Variants in NARF observed in about 807,000 individuals in gnomAD.
NARF encodes nuclear prelamin A recognition factor.
A neutral mutation model predicts 48.0 loss-of-function variants in NARF; 41 were observed. The observed-to-expected ratio is 0.85, with a 90% CI of 0.66 to 1.11. The LOEUF is 1.11. NARF is among the 50% of genes least tolerant of loss of function. NARF has a pLI of 0.00. For missense variants in NARF, 613 were observed against 590.2 expected, an observed-to-expected ratio of 1.04 and a Z score of -0.40; for synonymous variants, 215 against 225.5, an observed-to-expected ratio of 0.95 and a Z score of 0.42.
intron 8 of NARF, 101 bp downstream of exon 8, chr17:82,483,880 C>A: frequency 9.1e-7 from 1 of 1,093,610 alleles, no homozygotes; most frequent in Non-Finnish European, 1.4e-6. Context: ...TATGACGAGG[C>A]CATGTGAAGC....
intron 5 of NARF, 21 bp from the exon 6 acceptor site, chr17:82,478,779 G>T: frequency 6.2e-7 from 1 of 1,605,750 alleles, no homozygotes; most frequent in East Asian, 2.2e-5. Flanking sequence ...GGAGCTGACC[G>T]TGGATCCCTT....
intron 5 of NARF, among the ~76,000 whole-genome samples, chr17:82,475,083 C>T (rs2043803550): frequency 6.6e-6 from 1 of 152,142 alleles, no homozygotes; most frequent in Non-Finnish European, 1.5e-5. Context: ...GCCTGGACTC[C>T]AGCAACCTGG....
In NARF at chr17:82,484,835, A is replaced by G. The variant is rs1384468406; in HGVS notation, c.856A>G (p.Lys286Glu). The G allele has an allele frequency of 1.2e-6, 2 of 1,608,432 alleles. No individual in the cohort carries two copies. Among genetic ancestry groups the G allele is most frequent in the Admixed American group, 1.7e-5 (1 of 58,934 alleles). The change falls in exon 9 of 11, where the codon AAA becomes GAA. Residue 286 changes from lysine to glutamate, a missense_variant. Transcript: ENST00000309794. ...GAGGTTTGGAGACTTGAAGGAGGACAAAGTGACGCGTCATGATGGAGCCAG... is the reference window on the plus strand; with the variant it reads ...GAGGTTTGGAGACTTGAAGGAGGACGAAGTGACGCGTCATGATGGAGCCAG... ...DTLFGDLKED[K>E]VTRHDGASSD...
Position 82,469,750 on chromosome 17 carries a change from T to G in NARF, c.385+854T>G, listed in dbSNP as rs543848378. 6.7e-3 allele frequency among the ~76,000 whole-genome samples: 1,025 copies of G among 152,038 alleles called. 14 individuals carry two copies. The highest frequency in any genetic ancestry group is 0.023 in the African/African-American group (958 of 41,480). On this transcript the variant is annotated intron_variant, in intron 4 of 10. Coordinates refer to ENST00000309794, the MANE Select transcript of NARF (RefSeq NM_012336.4). ...CCTCCCAAGTAGCTGGGACTACAGGTGCGCGCCACCACTCCCGGCTAATTT... is the reference window on the plus strand; with the variant it reads ...CCTCCCAAGTAGCTGGGACTACAGGGGCGCGCCACCACTCCCGGCTAATTT...
In NARF at chr17:82,481,125, G is replaced by A. The variant is rs952667236; in HGVS notation, c.683G>A (p.Cys228Tyr). ...EKIFHVIVAP[C>Y]YDKKLEALQE... Reference sequence around the variant, plus strand: ...ATTTTCCACGTCATTGTGGCCCCTTGTTATGACAAGAAGCTGGAGGCTCTT... The same window carrying A: ...ATTTTCCACGTCATTGTGGCCCCTTATTATGACAAGAAGCTGGAGGCTCTT... Residue 228 changes from cysteine (C) to tyrosine (Y), a missense_variant, in exon 7 of 11, where the codon TGT (cysteine) becomes TAT (tyrosine). Transcript: ENST00000309794. 3.7e-6 allele frequency: 6 copies of A among 1,614,050 alleles called. No individual in the cohort carries two copies. Among genetic ancestry groups the A allele is most frequent in the Admixed American group, 1.7e-5 (1 of 59,992 alleles).
rs2044061038 is a variant in NARF at position 82,484,913 on chromosome 17, A to C, written c.934A>C (p.Asn312His). 6.2e-7 allele frequency: 1 copy of C among 1,612,976 alleles called. No homozygotes were observed. The highest frequency in any genetic ancestry group is 1.3e-5 in the African/African-American group (1 of 74,882). Residue 312 changes from asparagine to histidine, a missense_variant, in exon 9 of 11, where the codon AAC becomes CAC. Coordinates refer to ENST00000309794, the MANE Select transcript of NARF (RefSeq NM_012336.4). ...CAGACATGCGGCCAAGGAGCTGTTC[A>C]ACGAGGATGTGGAGGAGGTCACTTA... ...IFRHAAKELFNEDVEEVTYRA... is the reference protein window; with the variant it reads ...IFRHAAKELFHEDVEEVTYRA...
intron 3 of NARF, among the ~76,000 whole-genome samples, chr17:82,464,683 C>A (rs1430159359): frequency 2.0e-5 from 3 of 152,246 alleles, no homozygotes; most frequent in Non-Finnish European, 2.9e-5. Context: ...GCTCCTGTGG[C>A]TTAAGCGGGG....
chr17:82,470,268 G>A (rs1300089993), intron 4 of NARF, among the ~76,000 whole-genome samples: 5 of 152,090 alleles, frequency 3.3e-5, no homozygotes, highest in Admixed American at 6.6e-5. Flanking sequence ...CAGCTACAGC[G>A]ACAGGTGCCC....
chr17:82,479,304 G>GGCA (rs1457124970), intron 6 of NARF: 1 of 174,378 alleles, frequency 5.7e-6, no homozygotes, highest in African/African-American at 2.4e-5. Context: ...GGAGGCTGAG[G>GGCA]GCAGCTGTCA....
intron 2 of NARF, chr17:82,460,913 T>C (rs894759065): frequency 6.6e-6 from 1 of 151,572 alleles, no homozygotes; most frequent in Non-Finnish European, 1.5e-5. Flanking sequence ...TTTCTTCTTT[T>C]AATTTTTTTT....
chr17:82,484,765 C>G, intron 8 of NARF, 48 bp from the exon 9 acceptor site: 1 of 1,530,990 alleles, frequency 6.5e-7, no homozygotes, highest in Non-Finnish European at 8.8e-7. Flanking sequence ...CTTTCTGTCA[C>G]TGTACGTCAG....
At chr17:82,482,799 T>C (rs990165428) in intron 7 of NARF, 1 of 151,604 alleles carries the variant, frequency 6.6e-6, no homozygotes, top group Admixed American at 6.6e-5. Context: ...CCTCGTCTCT[T>C]TTTTTTTATT....
chr17:82,486,538 A>G (rs1364372862), intron 10 of NARF, among the ~76,000 whole-genome samples: 23 of 152,148 alleles, frequency 1.5e-4, no homozygotes, highest in Non-Finnish European at 7.4e-5. Context: ...CAGCACTGAC[A>G]AGAGGAGGGT....
intron 10 of NARF, 61 bp downstream of exon 10, chr17:82,485,715 C>T (rs1354167807): frequency 5.7e-6 from 9 of 1,583,232 alleles, no homozygotes; most frequent in Admixed American, 5.2e-5. Flanking sequence ...CACACTGGTC[C>T]TGCAGCTGCC....
chr17:82,462,819 A>C (rs1178682748), intron 2 of NARF: 1 of 152,688 alleles, frequency 6.5e-6, no homozygotes, highest in East Asian at 1.9e-4. Context: ...TATACACAGC[A>C]TGTCTGGTGG....
At chr17:82,482,420 T>TAAAACATGCGCGGTGGGCTGCTGAC (rs1555630046) in intron 7 of NARF, 2 of 163,980 alleles carry the variant, frequency 1.2e-5, no homozygotes, top group African/African-American at 5.3e-5. Flanking sequence ...GTTGACAAAA[T>TAAAACATGCGCGGTGGGCTGCTGAC]AAAACATGCG....
intron 7 of NARF, chr17:82,481,816 A>AG (rs2043971566): frequency 2.4e-6 from 1 of 416,920 alleles, no homozygotes; most frequent in Admixed American, 3.2e-5. Context: ...AGTCCATGTA[A>AG]GGTACTTATC....
intron 4 of NARF, among the ~76,000 whole-genome samples, chr17:82,471,770 C>A (rs1277947699): frequency 1.0e-5 from 1 of 99,066 alleles, no homozygotes; most frequent in African/African-American, 4.1e-5. Context: ...CCAGCTTGCG[C>A]GAAAGAGTGA....
At position 82,488,279 on chromosome 17, in the gene NARF, G is replaced by C. The variant is rs1306915203; in HGVS notation, c.*122G>C. ...AGAAAACCGCTCAATGGATTACTTT[G>C]GTTTCTCCGAGTTCCCTGCTACCCC... is the stretch of plus-strand genomic sequence containing the variant. On this transcript the variant is annotated 3_prime_UTR_variant, in exon 11 of 11. Coordinates refer to ENST00000309794, the MANE Select transcript of NARF (RefSeq NM_012336.4). The C allele has an allele frequency of 2.8e-6, 4 of 1,426,484 alleles. No homozygotes were observed. The highest frequency in any genetic ancestry group is 3.7e-6 in the Non-Finnish European group (4 of 1,081,004). The allele number at this position is 1,426,484 out of a possible 1,614,324, so 88.4% of individuals were successfully genotyped here.
Sources: gnomAD v4.1 joint callset for allele counts (sites outside exome capture counted in the v4.1 genomes callset) on GRCh38, gnomAD v4.1.1 for gene constraint, MANE v1.5 for transcripts, NCBI Gene and HGNC (gene_info 2026-07-23, HGNC 2026-07-21) for gene names.